The following CSGALNACT1 variants were observed in gnomAD, a reference collection of about 807,000 sequenced individuals.
CSGALNACT1 encodes the protein chondroitin sulfate N-acetylgalactosaminyltransferase 1.
In CSGALNACT1, 52 loss-of-function variants were observed where a neutral mutation model predicts 51.0. The observed-to-expected ratio is 1.02, with a 90% CI of 0.82 to 1.29. The LOEUF (loss-of-function observed/expected upper bound fraction) is 1.29. Ranked by LOEUF, CSGALNACT1 falls within the 50% of genes most tolerant of loss-of-function variation. The probability of loss-of-function intolerance (pLI) is 0.00; values close to 1 mark genes in which losing one functional copy is unlikely to be tolerated. For missense variants in CSGALNACT1, 935 were observed against 679.2 expected (o/e 1.38, Z -4.19); for synonymous variants, 341 against 254.4 (o/e 1.34, Z -3.24).
At chr8:19,568,763 T>C (rs2042401450) in intron 3 of CSGALNACT1, among the ~76,000 whole-genome samples, 1 of 152,176 alleles carries the variant, frequency 6.6e-6, no homozygotes, top group Admixed American at 6.5e-5. Context: ...TTGCAGTAAT[T>C]TGAAATTTCT....
intron 1 of CSGALNACT1, among the ~76,000 whole-genome samples, chr8:19,624,477 T>C (rs1197416922): frequency 6.6e-6 from 1 of 152,154 alleles, no homozygotes; most frequent in Non-Finnish European, 1.5e-5. Flanking sequence ...TGTTTAAAAA[T>C]AGCCAACACA....
intron 1 of CSGALNACT1, among the ~76,000 whole-genome samples, chr8:19,693,408 C>T (rs2061430137): frequency 6.6e-6 from 1 of 152,088 alleles, no homozygotes; most frequent in Non-Finnish European, 1.5e-5. Flanking sequence ...CGGTTTCCTG[C>T]TACTGTTAAT....
In CSGALNACT1 at chr8:19,667,100, G is replaced by GAAAGAAAGAAAGAGAGA. The variant is rs1386376643; in HGVS notation, c.-544+15372_-544+15373insTCTCTCTTTCTTTCTTT. On this transcript the variant is annotated intron_variant, in intron 1 of 9. Coordinates refer to the CSGALNACT1 transcript ENST00000332246. ...GAAAGAAAGAAAGAAAGAAAGAAAG[G>GAAAGAAAGAAAGAGAGA]GAAAGAAATCTCATCACAATATCAA... Among the ~76,000 whole-genome samples, 6 of 54,138 alleles carry GAAAGAAAGAAAGAGAGA rather than the reference G, an allele frequency of 1.1e-4. 1 individual carries two copies. Among genetic ancestry groups the GAAAGAAAGAAAGAGAGA allele is most frequent in the African/African-American group, 4.2e-4 (5 of 11,776 alleles). 35.5% of individuals were successfully genotyped at this position (54,138 alleles called of 152,430 possible).
intron 3 of CSGALNACT1, among the ~76,000 whole-genome samples, chr8:19,583,121 G>A (rs931860944): frequency 2.6e-5 from 4 of 152,036 alleles, no homozygotes; most frequent in African/African-American, 9.7e-5. Flanking sequence ...AAGCTAAGGA[G>A]AAATATTATA....
intron 1 of CSGALNACT1, among the ~76,000 whole-genome samples, chr8:19,661,923 C>G (rs924587022): frequency 2.0e-5 from 3 of 152,166 alleles, no homozygotes; most frequent in Non-Finnish European, 4.4e-5. Flanking sequence ...CTCCTTCATC[C>G]TAATAGTTCA....
intron 5 of CSGALNACT1, among the ~76,000 whole-genome samples, chr8:19,449,860 T>A (rs952194294): frequency 6.6e-6 from 1 of 151,698 alleles, no homozygotes; most frequent in African/African-American, 2.4e-5. Context: ...AATTCTGCCT[T>A]TTTCCCCTCA....
At chr8:19,497,242 A>T (rs960956134) in intron 4 of CSGALNACT1, among the ~76,000 whole-genome samples, 2 of 152,192 alleles carry the variant, frequency 1.3e-5, no homozygotes, top group East Asian at 3.8e-4. Context: ...ACAGCAGAAT[A>T]TTGCTGGGAG....
intron 8 of CSGALNACT1, among the ~76,000 whole-genome samples, chr8:19,412,550 A>G (rs1239015557): frequency 6.6e-6 from 1 of 152,296 alleles, no homozygotes; most frequent in Admixed American, 6.5e-5. Flanking sequence ...TTTCAATCAG[A>G]GTCTCTCCTC....
At chr8:19,530,664 G>A (rs191073359) in intron 3 of CSGALNACT1, among the ~76,000 whole-genome samples, 5 of 152,096 alleles carry the variant, frequency 3.3e-5, no homozygotes, top group Admixed American at 6.5e-5. Context: ...CCAAGAGATC[G>A]GGGCTATAGC....
chr8:19,638,808 G>A (rs189951142), intron 1 of CSGALNACT1, among the ~76,000 whole-genome samples: 1 of 151,784 alleles, frequency 6.6e-6, no homozygotes, highest in South Asian at 2.1e-4. Flanking sequence ...CCTGTGGGAA[G>A]GTATTTTGTA....
At chr8:19,662,509 G>A (rs964821519) in intron 1 of CSGALNACT1, among the ~76,000 whole-genome samples, 2 of 152,176 alleles carry the variant, frequency 1.3e-5, no homozygotes, top group African/African-American at 2.4e-5. Context: ...GGTGAAAAAG[G>A]TTCACATCAT....
At chr8:19,639,138 G>A (rs2056447567) in intron 1 of CSGALNACT1, among the ~76,000 whole-genome samples, 1 of 152,098 alleles carries the variant, frequency 6.6e-6, no homozygotes, top group African/African-American at 2.4e-5. Context: ...AAATTAAAGA[G>A]GCCTGTTATC....
At chr8:19,608,330 G>T (rs926779339) in intron 1 of CSGALNACT1, among the ~76,000 whole-genome samples, 1 of 152,184 alleles carries the variant, frequency 6.6e-6, no homozygotes, top group Non-Finnish European at 1.5e-5. Context: ...AACAATGGAA[G>T]TAGCGGTATG....
chr8:19,568,467 G>C (rs573926956), intron 3 of CSGALNACT1, among the ~76,000 whole-genome samples: 1 of 152,288 alleles, frequency 6.6e-6, no homozygotes, highest in African/African-American at 2.4e-5. Context: ...ATTCTGATCA[G>C]ATGGGTGCAA....
At chr8:19,440,871 C>T (rs1815890929) in intron 5 of CSGALNACT1, among the ~76,000 whole-genome samples, 1 of 152,130 alleles carries the variant, frequency 6.6e-6, no homozygotes, top group Admixed American at 6.5e-5. Flanking sequence ...TCAGCAAAGT[C>T]TCAGGATATA....
At chr8:19,632,205 C>T (rs192552442) in intron 1 of CSGALNACT1, among the ~76,000 whole-genome samples, 1 of 152,244 alleles carries the variant, frequency 6.6e-6, no homozygotes, top group African/African-American at 2.4e-5. Context: ...ACAGTTATGA[C>T]TTTATGATGT....
intron 4 of CSGALNACT1, among the ~76,000 whole-genome samples, chr8:19,478,244 C>A (rs559546948): frequency 7.9e-5 from 12 of 152,064 alleles, no homozygotes; most frequent in Non-Finnish European, 1.6e-4. Context: ...GAAACCCCGT[C>A]TCTACTAAAA....
chr8:19,475,240 A>G (rs1344794723), intron 4 of CSGALNACT1, among the ~76,000 whole-genome samples: 5 of 152,196 alleles, frequency 3.3e-5, no homozygotes, highest in Non-Finnish European at 5.9e-5. Flanking sequence ...AGAAGCCGAG[A>G]AAGTCTGGGA....
intron 5 of CSGALNACT1, chr8:19,457,506 G>A (rs540865564): frequency 1.2e-5 from 5 of 421,170 alleles, no homozygotes; most frequent in South Asian, 9.3e-5. Context: ...CCAGCTACTT[G>A]GGAAGCTGAG....
Sources: gnomAD v4.1 joint callset for allele counts (sites outside exome capture counted in the v4.1 genomes callset) on GRCh38, gnomAD v4.1.1 for gene constraint, MANE v1.5 for transcripts, NCBI Gene and HGNC (gene_info 2026-07-23, HGNC 2026-07-21) for gene names.